Variants in CADPS2 observed in about 807,000 individuals in gnomAD.
CADPS2 encodes calcium-dependent secretion activator 2.
In CADPS2, 93 loss-of-function variants were observed where a neutral mutation model predicts 172.5. The ratio of observed to expected loss-of-function variants is 0.54; its 90% confidence interval spans 0.46 to 0.64. CADPS2 has a LOEUF of 0.64. Ranked by LOEUF, CADPS2 falls within the 30% of genes least tolerant of loss-of-function variation. CADPS2 has a pLI of 0.00. For missense variants in CADPS2, 1,420 were observed against 1,565.9 expected, an observed-to-expected ratio of 0.91 and a Z score of 1.57; for synonymous variants, 546 against 555.2, an observed-to-expected ratio of 0.98 and a Z score of 0.23.
chr7:122,705,494 TC>T (rs1395069628), intron 2 of CADPS2, among the ~76,000 whole-genome samples: 1 of 125,470 alleles, frequency 8.0e-6, no homozygotes, highest in African/African-American at 3.0e-5. Context: ...TTATATATTA[TC>T]TATATTATAT....
chr7:122,331,651 AAAAC>A (rs1486569035), intron 28 of CADPS2, among the ~76,000 whole-genome samples: 1 of 152,192 alleles, frequency 6.6e-6, no homozygotes, highest in Non-Finnish European at 1.5e-5. Flanking sequence ...AAAACAAAAC[AAAAC>A]AAAAAAACAA....
intron 2 of CADPS2, among the ~76,000 whole-genome samples, chr7:122,663,932 T>C (rs954144915): frequency 1.3e-5 from 2 of 152,100 alleles, no homozygotes; most frequent in African/African-American, 4.8e-5. Context: ...CCACCACATG[T>C]GTTCAGAGTG....
At chr7:122,670,654 C>T (rs892505871) in intron 2 of CADPS2, among the ~76,000 whole-genome samples, 32 of 151,954 alleles carry the variant, frequency 2.1e-4, no homozygotes, top group African/African-American at 1.2e-4. Context: ...CAAGCCACCA[C>T]GCCTGGCTAA....
At chr7:122,472,070 C>T (rs978870961) in intron 13 of CADPS2, among the ~76,000 whole-genome samples, 1 of 152,078 alleles carries the variant, frequency 6.6e-6, no homozygotes, top group African/African-American at 2.4e-5. Flanking sequence ...AACAATATAA[C>T]AGAGTTAATG....
intron 7 of CADPS2, 36 bp from the exon 8 acceptor site, chr7:122,554,725 AT>A: frequency 6.5e-7 from 1 of 1,546,704 alleles, no homozygotes; most frequent in Non-Finnish European, 8.7e-7. Context: ...TAAACGCATG[AT>A]ACGGAGTGTC....
intron 4 of CADPS2, among the ~76,000 whole-genome samples, chr7:122,626,518 A>G (rs530286204): frequency 6.6e-6 from 1 of 151,924 alleles, no homozygotes; most frequent in Non-Finnish European, 1.5e-5. Flanking sequence ...CACTTGACTG[A>G]AAACTGTAAC....
intron 6 of CADPS2, among the ~76,000 whole-genome samples, chr7:122,583,590 A>G (rs1400268412): frequency 6.6e-6 from 1 of 150,780 alleles, no homozygotes; most frequent in Non-Finnish European, 1.5e-5. Flanking sequence ...ATGTGTGTGT[A>G]TATATATGTA....
chr7:122,804,369 TTTAGG>T (rs1483346305), intron 1 of CADPS2, among the ~76,000 whole-genome samples: 1 of 152,124 alleles, frequency 6.6e-6, no homozygotes, highest in African/African-American at 2.4e-5. Context: ...AACCTGTGCA[TTTAGG>T]TTATTTTATT....
intron 16 of CADPS2, 85 bp downstream of exon 16, chr7:122,441,427 C>T (rs752470099): frequency 1.1e-4 from 86 of 780,808 alleles, no homozygotes; most frequent in African/African-American, 1.9e-4. Context: ...CATAGAATAA[C>T]GGGGTCTGTC....
intron 24 of CADPS2, among the ~76,000 whole-genome samples, chr7:122,384,210 A>C (rs1056738435): frequency 2.6e-5 from 4 of 152,108 alleles, no homozygotes; most frequent in African/African-American, 9.7e-5. Context: ...TTGCATCATC[A>C]TGTAGCATGT....
At chr7:122,620,586 T>C (rs2075484191) in intron 5 of CADPS2, among the ~76,000 whole-genome samples, 1 of 152,188 alleles carries the variant, frequency 6.6e-6, no homozygotes, top group Non-Finnish European at 1.5e-5. Context: ...CATAAAATAA[T>C]GAAATTCTGA....
intron 14 of CADPS2, among the ~76,000 whole-genome samples, chr7:122,456,278 A>C (rs2053766458): frequency 6.6e-6 from 1 of 152,092 alleles, no homozygotes; most frequent in African/African-American, 2.4e-5. Flanking sequence ...TGGTTATTTA[A>C]AATTCGAACA....
intron 8 of CADPS2, 73 bp from the exon 9 acceptor site, chr7:122,513,388 C>T (rs951482995): frequency 2.5e-6 from 3 of 1,222,788 alleles, no homozygotes; most frequent in Non-Finnish European, 2.3e-6. Context: ...CACATTTCTT[C>T]CATAGGTATT....
chr7:122,701,248 T>G (rs1292896874), intron 2 of CADPS2, among the ~76,000 whole-genome samples: 2 of 152,210 alleles, frequency 1.3e-5, no homozygotes, highest in Admixed American at 6.5e-5. Context: ...CACCATGGAA[T>G]ACTATGCAGC....
chr7:122,693,195 TG>T (rs1405831621), intron 2 of CADPS2, among the ~76,000 whole-genome samples: 1 of 152,204 alleles, frequency 6.6e-6, no homozygotes, highest in Non-Finnish European at 1.5e-5. Context: ...CTGTTAACAC[TG>T]TTCTCTCCAT....
intron 28 of CADPS2, among the ~76,000 whole-genome samples, chr7:122,335,511 T>C (rs1325993403): frequency 6.6e-6 from 1 of 152,164 alleles, no homozygotes; most frequent in Non-Finnish European, 1.5e-5. Flanking sequence ...TTAATGCCTA[T>C]CTTTAAGTTA....
Position 122,818,577 on chromosome 7 carries a change from C to T in CADPS2, c.339+67422G>A, listed in dbSNP as rs554600885. ...TTCCTTTTCTACAGACCCATCTGAC[C>T]TCTCCCTTCCTCCCCAGGCTGCTCC... On this transcript the variant is annotated intron_variant, in intron 1 of 29. Coordinates refer to ENST00000449022, the MANE Select transcript of CADPS2 (RefSeq NM_017954.11). Among the ~76,000 whole-genome samples, 6 of 152,172 alleles carry T rather than the reference C, an allele frequency of 3.9e-5. No individual in the cohort carries two copies. The South Asian group carries it at 1.2e-3, about 32-fold the overall frequency.
At chr7:122,864,038 T>A (rs1344477974) in intron 1 of CADPS2, among the ~76,000 whole-genome samples, 2 of 151,534 alleles carry the variant, frequency 1.3e-5, no homozygotes, top group East Asian at 2.0e-4. Flanking sequence ...TCAAAAAAAA[T>A]AATAAATAAA....
chr7:122,726,367 C>T (rs1008148316), intron 2 of CADPS2, among the ~76,000 whole-genome samples: 1 of 151,936 alleles, frequency 6.6e-6, no homozygotes, highest in Non-Finnish European at 1.5e-5. Context: ...GGCTTGCGTA[C>T]GTTACTTGTT....
Sources: allele counts gnomAD v4.1 joint callset (sites outside exome capture counted in the v4.1 genomes callset), GRCh38; gene constraint gnomAD v4.1.1; transcripts MANE v1.5; gene names NCBI Gene and HGNC (gene_info 2026-07-23, HGNC 2026-07-21).